ADGRL3: variants seen among roughly 807,000 people sequenced by gnomAD.
The protein encoded by ADGRL3 is calcium-independent alpha-latrotoxin receptor 3.
ADGRL3 carries 62 observed loss-of-function variants against 153.5 expected under a neutral mutation model. That is an observed-to-expected ratio of 0.40 (90% CI 0.33 to 0.50). The LOEUF is 0.50. ADGRL3 is among the 20% of genes least tolerant of loss of function. The pLI, the probability that ADGRL3 is intolerant of heterozygous loss-of-function variation, is 0.47. For synonymous variants in ADGRL3, 710 were observed against 672.5 expected (o/e 1.06, Z -0.86); for missense variants, 1,641 against 1,859.4 (o/e 0.88, Z 2.16).
chr4:61,354,089 G>A lies in ADGRL3; in HGVS notation c.-239-29035G>A, dbSNP rs141506650. ...ATTTACTGGTTGCTTACTATGTTCC[G>A]TGTATTACCTCAGTGATCGACTTGT... On this transcript the variant is annotated intron_variant, in intron 1 of 26. Transcript: ENST00000683033. Among the ~76,000 whole-genome samples, 368 of 152,046 alleles carry A rather than the reference G, an allele frequency of 2.4e-3. 4 individuals are homozygous for A. Among genetic ancestry groups the A allele is most frequent in the Non-Finnish European group, 3.6e-3 (248 of 67,964 alleles).
chr4:61,947,858 T>A (rs2098931953), intron 16 of ADGRL3, among the ~76,000 whole-genome samples: 1 of 152,230 alleles, frequency 6.6e-6, no homozygotes, highest in South Asian at 2.1e-4. Context: ...ACATTGGTAC[T>A]AGTATATTAT....
intron 1 of ADGRL3, among the ~76,000 whole-genome samples, chr4:61,293,103 G>T (rs1020116823): frequency 1.3e-5 from 2 of 152,112 alleles, no homozygotes; most frequent in Middle Eastern, 3.2e-3. Flanking sequence ...GAGCAGTGTT[G>T]GTGAACTGCT....
chr4:61,375,899 C>T (rs1467099558), intron 1 of ADGRL3, among the ~76,000 whole-genome samples: 1 of 152,020 alleles, frequency 6.6e-6, no homozygotes, highest in Non-Finnish European at 1.5e-5. Context: ...GGTAGTTTCT[C>T]ATTTTAACAG....
intron 1 of ADGRL3, among the ~76,000 whole-genome samples, chr4:61,275,027 T>C (rs1172655803): frequency 1.3e-5 from 2 of 152,196 alleles, no homozygotes; most frequent in African/African-American, 2.4e-5. Flanking sequence ...GTCACTTTCT[T>C]TTTCTAGGGT....
At chr4:61,334,563 A>G (rs2095639239) in intron 1 of ADGRL3, among the ~76,000 whole-genome samples, 1 of 152,066 alleles carries the variant, frequency 6.6e-6, no homozygotes, top group African/African-American at 2.4e-5. Flanking sequence ...TCTGATATGA[A>G]CTGTGATCAG....
chr4:61,613,247 A>G (rs1434060301), intron 5 of ADGRL3, among the ~76,000 whole-genome samples: 1 of 152,126 alleles, frequency 6.6e-6, no homozygotes, highest in African/African-American at 2.4e-5. Context: ...AGATTGATCT[A>G]GGGACTCTTT....
intron 1 of ADGRL3, among the ~76,000 whole-genome samples, chr4:61,315,905 T>A (rs2095194082): frequency 1.3e-5 from 2 of 152,182 alleles, no homozygotes; most frequent in African/African-American, 4.8e-5. Flanking sequence ...AAAATACAGT[T>A]CAGAAGTATC....
chr4:61,466,415 G>A (rs1290609504), intron 2 of ADGRL3, among the ~76,000 whole-genome samples: 1 of 152,082 alleles, frequency 6.6e-6, no homozygotes, highest in Non-Finnish European at 1.5e-5. Context: ...TTTAATATAG[G>A]TACCAAGAAT....
At chr4:62,006,003 C>CACACACACAT (rs1230956055) in intron 21 of ADGRL3, among the ~76,000 whole-genome samples, 998 of 48,858 alleles carry the variant, frequency 0.02, 13 homozygotes, top group East Asian at 0.056. Context: ...CACACACACA[C>CACACACACAT]ATATATATAT....
chr4:61,839,973 A>T (rs1581087021), intron 9 of ADGRL3, among the ~76,000 whole-genome samples: 1 of 61,940 alleles, frequency 1.6e-5, no homozygotes, highest in Non-Finnish European at 2.4e-5. Flanking sequence ...AAAGGACATT[A>T]AAAAAAAAAA....
At chr4:61,475,714 A>G (rs1345610030) in intron 2 of ADGRL3, among the ~76,000 whole-genome samples, 4 of 152,270 alleles carry the variant, frequency 2.6e-5, no homozygotes, top group Middle Eastern at 3.4e-3. Context: ...TAATGTTTCA[A>G]GGATTTAAAT....
At chr4:61,880,992 A>G (rs921780130) in intron 9 of ADGRL3, among the ~76,000 whole-genome samples, 1 of 152,124 alleles carries the variant, frequency 6.6e-6, no homozygotes, top group Non-Finnish European at 1.5e-5. Flanking sequence ...GCCTTGTTTT[A>G]CTCAACCATG....
At chr4:61,957,843 G>C (rs2098973336) in intron 17 of ADGRL3, among the ~76,000 whole-genome samples, 1 of 151,960 alleles carries the variant, frequency 6.6e-6, no homozygotes, top group African/African-American at 2.4e-5. Flanking sequence ...AAATTATCCT[G>C]TAGCATCTTT....
chr4:62,047,186 C>G (rs1731584518), intron 25 of ADGRL3, among the ~76,000 whole-genome samples: 1 of 151,546 alleles, frequency 6.6e-6, no homozygotes, highest in Non-Finnish European at 1.5e-5. Context: ...ATTTTCCTTT[C>G]TTGGTAAGTT....
intron 9 of ADGRL3, among the ~76,000 whole-genome samples, chr4:61,853,338 T>C (rs62304399): frequency 0.08 from 12,159 of 152,228 alleles, 645 homozygotes; most frequent in South Asian, 0.17. Flanking sequence ...GAACCAAGGC[T>C]GAAGAACAAA....
chr4:61,579,676 C>A lies in ADGRL3; in HGVS notation c.260-7551C>A, dbSNP rs2098915295. ...ATGTACCACTCATTAGAATTTTTTT[C>A]TATAAGTTCAGAAATTGTATATTAA... On this transcript the variant is annotated intron_variant, in intron 4 of 26. Transcript: ENST00000683033. 10 of 458,592 alleles carry A rather than the reference C, an allele frequency of 2.2e-5. 1 individual carries two copies. The highest frequency in any genetic ancestry group is 1.6e-4 in the South Asian group (10 of 61,592). The allele number at this position is 458,592 out of a possible 1,614,324, so 28.4% of individuals were successfully genotyped here.
intron 6 of ADGRL3, among the ~76,000 whole-genome samples, chr4:61,715,408 G>A (rs1436409617): frequency 2.0e-5 from 3 of 152,150 alleles, no homozygotes; most frequent in Non-Finnish European, 2.9e-5. Flanking sequence ...ATGGTAAGTG[G>A]TGTGTGCAGG....
At chr4:61,440,685 C>G (rs991231571) in intron 2 of ADGRL3, among the ~76,000 whole-genome samples, 6 of 18,092 alleles carry the variant, frequency 3.3e-4, no homozygotes, top group Non-Finnish European at 9.3e-3. Flanking sequence ...CATGATACAT[C>G]ACAGTGTTGT....
intron 18 of ADGRL3, among the ~76,000 whole-genome samples, chr4:61,982,879 A>G (rs1222446727): frequency 6.6e-6 from 1 of 152,188 alleles, no homozygotes; most frequent in Non-Finnish European, 1.5e-5. Context: ...AATTAATTTC[A>G]TCATGAAACA....
Sources: allele counts gnomAD v4.1 joint callset (sites outside exome capture counted in the v4.1 genomes callset), GRCh38; gene constraint gnomAD v4.1.1; transcripts MANE v1.5; gene names NCBI Gene and HGNC (gene_info 2026-07-23, HGNC 2026-07-21).